Variants in KLF12 observed in about 807,000 individuals in gnomAD.
KLF12 encodes the protein Krueppel-like factor 12.
A neutral mutation model predicts 37.8 loss-of-function variants in KLF12; 9 were observed. The ratio of observed to expected loss-of-function variants is 0.24; its 90% CI spans 0.14 to 0.42. The LOEUF (loss-of-function observed/expected upper bound fraction) is 0.42. KLF12 is among the 10% of genes least tolerant of loss of function. KLF12 has a pLI of 1.00. For missense variants in KLF12, 411 were observed against 516.0 expected (o/e 0.80, Z 1.97); for synonymous variants, 208 against 202.1 (o/e 1.03, Z -0.25).
At chr13:74,282,852 A>T in the KLF12 span, among the ~76,000 whole-genome samples, 4 of 152,148 alleles carry the variant, frequency 2.6e-5, no homozygotes, top group Non-Finnish European at 4.4e-5. Flanking sequence ...CGTGAGTCTC[A>T]GTTTCCCCCC....
chr13:74,230,617 G>A, the KLF12 span, among the ~76,000 whole-genome samples: 2 of 152,108 alleles, frequency 1.3e-5, no homozygotes, highest in Non-Finnish European at 2.9e-5. Flanking sequence ...AGCTGGTTTT[G>A]CATGAAAGTG....
chr13:74,119,511 CA>C (rs1877502293), intron 1 of KLF12, among the ~76,000 whole-genome samples: 1 of 151,958 alleles, frequency 6.6e-6, no homozygotes, highest in African/African-American at 2.4e-5. Context: ...CATGCATGAA[CA>C]GAGAAATTAA....
At chr13:73,901,369 A>G (rs1888032611) in intron 3 of KLF12, among the ~76,000 whole-genome samples, 1 of 152,230 alleles carries the variant, frequency 6.6e-6, no homozygotes, top group African/African-American at 2.4e-5. Context: ...CATCAACTTT[A>G]GAACACAGAT....
At chr13:73,902,448 A>G (rs1593700429) in intron 3 of KLF12, among the ~76,000 whole-genome samples, 4 of 152,318 alleles carry the variant, frequency 2.6e-5, no homozygotes, top group South Asian at 2.1e-4. Flanking sequence ...TTCCATTTTT[A>G]TAGAAGCGGA....
chr13:74,177,774 G>A, the KLF12 span, among the ~76,000 whole-genome samples: 1 of 152,078 alleles, frequency 6.6e-6, no homozygotes, highest in African/African-American at 2.4e-5. Context: ...GGGAAGCAGT[G>A]GATTTGTGGT....
chr13:73,973,151 TTTAACACTGCA>T, intron 2 of KLF12, among the ~76,000 whole-genome samples: 1 of 152,346 alleles, frequency 6.6e-6, no homozygotes, highest in South Asian at 2.1e-4. Context: ...AACTTTGTTA[TTTAACACTGCA>T]GATGCACCTG....
At chr13:74,281,466 A>G in the KLF12 span, among the ~76,000 whole-genome samples, 25 of 152,354 alleles carry the variant, frequency 1.6e-4, 1 homozygote, top group South Asian at 5.2e-3. Flanking sequence ...TTATTAATCA[A>G]AGAAAACCAG....
chr13:73,980,668 G>T (rs1175658366), intron 2 of KLF12, among the ~76,000 whole-genome samples: 2 of 152,136 alleles, frequency 1.3e-5, no homozygotes, highest in South Asian at 2.1e-4. Flanking sequence ...TAGAAAAATG[G>T]TCAAAAGACA....
chr13:73,713,367 C>T (rs1482231160), intron 7 of KLF12, among the ~76,000 whole-genome samples: 17 of 152,160 alleles, frequency 1.1e-4, no homozygotes, highest in Admixed American at 1.1e-3. Context: ...GTTGGTTAAA[C>T]TACTAATGTG....
At chr13:73,837,608 CCTAT>C (rs1884506770) in intron 4 of KLF12, among the ~76,000 whole-genome samples, 1 of 152,140 alleles carries the variant, frequency 6.6e-6, no homozygotes, top group African/African-American at 2.4e-5. Context: ...TTAACAAGCT[CCTAT>C]CTTTGTTTTG....
At chr13:73,781,240 C>T (rs1039420368) in intron 5 of KLF12, among the ~76,000 whole-genome samples, 1 of 152,224 alleles carries the variant, frequency 6.6e-6, no homozygotes. Flanking sequence ...TGTTATTGCA[C>T]ACTTCCTGTA....
intron 1 of KLF12, among the ~76,000 whole-genome samples, chr13:74,034,579 TA>T (rs1185706788): frequency 6.6e-6 from 1 of 152,242 alleles, no homozygotes; most frequent in African/African-American, 2.4e-5. Flanking sequence ...AATTCCAACT[TA>T]CAATTTCTAG....
intron 1 of KLF12, among the ~76,000 whole-genome samples, chr13:73,995,768 C>T (rs758692956): frequency 1.3e-5 from 2 of 152,124 alleles, no homozygotes; most frequent in Non-Finnish European, 2.9e-5. Context: ...TTATAATAGA[C>T]CATTTGCCCT....
At chr13:74,230,174 A>G in the KLF12 span, among the ~76,000 whole-genome samples, 1 of 152,020 alleles carries the variant, frequency 6.6e-6, no homozygotes, top group Non-Finnish European at 1.5e-5. Flanking sequence ...CCCTGATGCT[A>G]TTCTTGTGAT....
At chr13:74,161,799 TC>T in the KLF12 span, among the ~76,000 whole-genome samples, 1 of 152,174 alleles carries the variant, frequency 6.6e-6, no homozygotes, top group African/African-American at 2.4e-5. Flanking sequence ...CCGCCTCAAT[TC>T]TTTTCTTCTT....
At chr13:74,261,984 C>T in the KLF12 span, among the ~76,000 whole-genome samples, 142 of 152,234 alleles carry the variant, frequency 9.3e-4, 1 homozygote, top group Admixed American at 1.3e-3. Context: ...CTGTGCTGTC[C>T]CGAGCTGAGT....
At chr13:74,263,929 G>GT in the KLF12 span, among the ~76,000 whole-genome samples, 4 of 151,740 alleles carry the variant, frequency 2.6e-5, no homozygotes, top group African/African-American at 4.8e-5. Context: ...AGCCAGGTTT[G>GT]TTTTTTTTCT....
the KLF12 span, among the ~76,000 whole-genome samples, chr13:74,279,747 C>T: frequency 6.6e-6 from 1 of 152,222 alleles, no homozygotes; most frequent in Non-Finnish European, 1.5e-5. Flanking sequence ...CCATAGTGGA[C>T]TCAATAGAAA....
chr13:74,240,294 G>A, the KLF12 span, among the ~76,000 whole-genome samples: 1 of 135,498 alleles, frequency 7.4e-6, no homozygotes, highest in Admixed American at 7.4e-5. Context: ...TGGCTTGTAG[G>A]GTTTCTGCCG....
Sources: allele counts gnomAD v4.1 joint callset (sites outside exome capture counted in the v4.1 genomes callset), GRCh38; gene constraint gnomAD v4.1.1; transcripts MANE v1.5; gene names NCBI Gene and HGNC (gene_info 2026-07-23, HGNC 2026-07-21).